The following KLHL29 variants were observed in gnomAD, a reference collection of about 807,000 sequenced individuals.
The protein encoded by KLHL29 is kelch like family member 29, also known as kelch-like protein 29.
Under a neutral mutation model 80.4 loss-of-function variants are expected in KLHL29, and 21 were observed. That is an observed-to-expected ratio of 0.26 (90% CI 0.19 to 0.38). KLHL29 has a LOEUF of 0.38. KLHL29 is among the 10% of genes least tolerant of loss of function. KLHL29 has a pLI of 1.00. For synonymous variants in KLHL29, 511 were observed against 526.8 expected, an observed-to-expected ratio of 0.97 and a Z score of 0.41; for missense variants, 867 against 1,223.9, an observed-to-expected ratio of 0.71 and a Z score of 4.35.
Position 23,696,424 on chromosome 2 carries a change from C to T in KLHL29, c.2016C>T (p.Pro672=), listed in dbSNP as rs1240574773. The T allele has an allele frequency of 1.9e-6, 3 of 1,551,356 alleles. No individual in the cohort carries two copies. In the African/African-American group the frequency reaches 4.1e-5, roughly 21 times the overall value. ...NWNLVSRMTV[P]RCRHNSLVYD... ...ACCTCGTCTCCAGAATGACAGTCCC[C>T]CGCTGTCGGCACAATAGCCTCGTCT... Residue 672 remains proline (P), a synonymous_variant, in exon 11 of 14, where the codon CCC becomes CCT. Transcript: ENST00000486442. The surrounding 1 kb of genome is among the most constrained non-coding windows in gnomAD (Gnocchi z 5.5).
chr2:23,521,597 G>C (rs537602317), intron 2 of KLHL29, among the ~76,000 whole-genome samples: 1 of 152,320 alleles, frequency 6.6e-6, no homozygotes, highest in South Asian at 2.1e-4. Flanking sequence ...TGATGTCTCT[G>C]CAGGGAACAT....
At chr2:23,538,820 A>G (rs1666751417) in intron 2 of KLHL29, among the ~76,000 whole-genome samples, 1 of 152,246 alleles carries the variant, frequency 6.6e-6, no homozygotes, top group Non-Finnish European at 1.5e-5. Flanking sequence ...GATTGAGAGA[A>G]AGAACAGAAG....
At chr2:23,670,452 C>T (rs938786441) in intron 5 of KLHL29, among the ~76,000 whole-genome samples, 1 of 152,112 alleles carries the variant, frequency 6.6e-6, no homozygotes, top group African/African-American at 2.4e-5. Context: ...ACAGGGGCAC[C>T]GAAGCAGTGT....
chr2:23,449,611 A>AAAGAGGAAGTTGAAATGTGC (rs1161797730), intron 1 of KLHL29, among the ~76,000 whole-genome samples: 1 of 152,188 alleles, frequency 6.6e-6, no homozygotes, highest in Admixed American at 6.5e-5. Flanking sequence ...CTGAGAAATG[A>AAAGAGGAAGTTGAAATGTGC]AAGAGGAAGT....
chr2:23,550,843 G>A (rs1168484863), intron 2 of KLHL29, among the ~76,000 whole-genome samples: 3 of 152,234 alleles, frequency 2.0e-5, no homozygotes, highest in African/African-American at 7.2e-5. Context: ...CCTGTGAAGA[G>A]GGAGCTTGTT....
At chr2:23,490,778 T>C (rs1259084648) in intron 2 of KLHL29, among the ~76,000 whole-genome samples, 1 of 152,152 alleles carries the variant, frequency 6.6e-6, no homozygotes, top group Non-Finnish European at 1.5e-5. Flanking sequence ...CAGGGCTGGT[T>C]ACATGGATGG....
At chr2:23,546,731 A>G (rs1180781811) in intron 2 of KLHL29, among the ~76,000 whole-genome samples, 1 of 152,202 alleles carries the variant, frequency 6.6e-6, no homozygotes, top group Non-Finnish European at 1.5e-5. Context: ...AGACTGGGGT[A>G]CCCCAAGCAC....
rs553356362 is a variant in KLHL29 at position 23,638,085 on chromosome 2, TA to T, written c.286-1038del. On this transcript the variant is annotated intron_variant, in intron 3 of 13. Transcript: ENST00000486442. ...TTCCTATTACATATAATGGCCATAG[TA>T]AAAAAAAAAAAAAAAGACAAATACA... is the stretch of plus-strand genomic sequence containing the variant. 2.4e-3 allele frequency among the ~76,000 whole-genome samples: 269 copies of T among 111,562 alleles called. 4 individuals carry two copies. The Middle Eastern group carries it at 0.042, about 17-fold the overall frequency. The allele number at this position is 111,562 out of a possible 152,430, so 73.2% of individuals were successfully genotyped here.
At chr2:23,585,531 ATGAGTTCATTGC>A (rs2103512276) in intron 3 of KLHL29, among the ~76,000 whole-genome samples, 1 of 152,260 alleles carries the variant, frequency 6.6e-6, no homozygotes, top group South Asian at 2.1e-4. Context: ...GGCTCAGATG[ATGAGTTCATTGC>A]TGGGTGGCTA....
intron 1 of KLHL29, among the ~76,000 whole-genome samples, chr2:23,395,835 GT>G (rs1285003549): frequency 6.6e-6 from 1 of 152,128 alleles, no homozygotes; most frequent in African/African-American, 2.4e-5. Flanking sequence ...CATTAACTAG[GT>G]ACAGACCAGT....
chr2:23,532,083 C>G (rs1008990595), intron 2 of KLHL29, among the ~76,000 whole-genome samples: 6 of 152,140 alleles, frequency 3.9e-5, no homozygotes, highest in Non-Finnish European at 2.9e-5. Flanking sequence ...TTCCACTGGG[C>G]CTATTCCACA....
At chr2:23,705,485 C>T (rs1231198727) in intron 13 of KLHL29, among the ~76,000 whole-genome samples, 1 of 149,234 alleles carries the variant, frequency 6.7e-6, no homozygotes, top group Non-Finnish European at 1.5e-5. Context: ...AGTATGACTC[C>T]GTCTCAAAAA....
chr2:23,420,114 C>T (rs572753913), intron 1 of KLHL29, among the ~76,000 whole-genome samples: 2 of 152,292 alleles, frequency 1.3e-5, no homozygotes, highest in African/African-American at 2.4e-5. Context: ...TGACCCTTGG[C>T]CTCGCCCACC....
intron 2 of KLHL29, among the ~76,000 whole-genome samples, chr2:23,485,181 C>A (rs1293089768): frequency 6.6e-6 from 1 of 152,204 alleles, no homozygotes; most frequent in Admixed American, 6.5e-5. Flanking sequence ...GTTCCCACGG[C>A]CTCTGGCTGT....
intron 3 of KLHL29, among the ~76,000 whole-genome samples, chr2:23,622,499 G>A (rs1266990838): frequency 1.3e-5 from 2 of 152,198 alleles, no homozygotes; most frequent in South Asian, 2.1e-4. Context: ...GGACAAATGC[G>A]AATGATGGGT....
chr2:23,435,314 G>T (rs1258295964), intron 1 of KLHL29, among the ~76,000 whole-genome samples: 1 of 152,146 alleles, frequency 6.6e-6, no homozygotes, highest in Non-Finnish European at 1.5e-5. Context: ...AGCCGTCTGG[G>T]GACTTCTGTG....
chr2:23,596,945 G>A lies in KLHL29; in HGVS notation c.285+34464G>A, dbSNP rs567929283. On this transcript the variant is annotated intron_variant, in intron 3 of 13. Coordinates refer to ENST00000486442, the MANE Select transcript of KLHL29 (RefSeq NM_052920.2). This position sits in a 1 kb window ranked among gnomAD's most constrained non-coding sequence, Gnocchi z 4.4. ...GGGATACAGGAAAGCTCAGGGCTGC[G>A]TTTAGAATCAAATAGAGCTAATGGT... Among the ~76,000 whole-genome samples the A allele has an allele frequency of 2.0e-5, 3 of 152,256 alleles. No individual in the cohort carries two copies. Among genetic ancestry groups the A allele is most frequent in the South Asian group, 2.1e-4 (1 of 4,814 alleles).
At chr2:23,557,139 G>A (rs546697505) in intron 2 of KLHL29, among the ~76,000 whole-genome samples, 2 of 152,154 alleles carry the variant, frequency 1.3e-5, no homozygotes, top group Non-Finnish European at 1.5e-5. Flanking sequence ...GACCAGTCTC[G>A]TCTAACGTAC....
intron 2 of KLHL29, among the ~76,000 whole-genome samples, chr2:23,484,739 G>A (rs1341297939): frequency 4.6e-5 from 7 of 152,144 alleles, no homozygotes; most frequent in Non-Finnish European, 8.8e-5. Context: ...GCCATCTTGC[G>A]CAGGTCCTCC....
Sources: gnomAD v4.1 joint callset for allele counts (sites outside exome capture counted in the v4.1 genomes callset) on GRCh38, gnomAD v4.1.1 for gene constraint, Gnocchi (gnomAD v3.1) non-coding constraint, MANE v1.5 for transcripts, NCBI Gene and HGNC (gene_info 2026-07-23, HGNC 2026-07-21) for gene names.